BPIFC: variants seen among roughly 807,000 people sequenced by gnomAD.
BPIFC encodes BPI fold-containing family C protein.
BPIFC carries 60 observed loss-of-function variants against 57.6 expected under a neutral mutation model. That is an observed-to-expected ratio of 1.04 (90% CI 0.85 to 1.29). The LOEUF (loss-of-function observed/expected upper bound fraction) is 1.29, where lower values mean the gene tolerates loss of function less well. Among genes scored for constraint, BPIFC ranks in the 50% most tolerant of loss-of-function variants. BPIFC has a pLI of 0.00. For synonymous variants in BPIFC, 243 were observed against 224.5 expected, an observed-to-expected ratio of 1.08 and a Z score of -0.74; for missense variants, 581 against 600.5, an observed-to-expected ratio of 0.97 and a Z score of 0.34.
chr22:32,460,933 A>G (rs1935146792), intron 2 of BPIFC, among the ~76,000 whole-genome samples: 1 of 152,252 alleles, frequency 6.6e-6, no homozygotes, highest in Admixed American at 6.5e-5. Flanking sequence ...CAATGGTAGA[A>G]TGAATAAATG....
intron 14 of BPIFC, 119 bp downstream of exon 14, chr22:32,419,243 T>G: frequency 9.0e-7 from 1 of 1,109,632 alleles, no homozygotes; most frequent in South Asian, 1.6e-5. Flanking sequence ...AGTTAAGTCC[T>G]ACAATTATGG....
intron 8 of BPIFC, among the ~76,000 whole-genome samples, chr22:32,438,127 T>C (rs1169752607): frequency 6.6e-6 from 1 of 152,188 alleles, no homozygotes; most frequent in African/African-American, 2.4e-5. Context: ...GGGCATATGT[T>C]CCAAGACCCC....
intron 4 of BPIFC, among the ~76,000 whole-genome samples, chr22:32,449,402 T>C (rs1601477546): frequency 6.6e-6 from 1 of 152,206 alleles, no homozygotes; most frequent in East Asian, 1.9e-4. Flanking sequence ...AAAACATAAA[T>C]GTGATAGCTG....
chr22:32,422,084 A>C (rs1481986822), intron 13 of BPIFC, among the ~76,000 whole-genome samples: 1 of 152,210 alleles, frequency 6.6e-6, no homozygotes, highest in Non-Finnish European at 1.5e-5. Flanking sequence ...GACTAGGCTC[A>C]GTGCCTCTGG....
Position 32,432,386 on chromosome 22 carries a change from A to G in BPIFC, c.1136T>C (p.Val379Ala), listed in dbSNP as rs1336719607. 1.1e-5 allele frequency: 17 copies of G among 1,614,074 alleles called. No homozygotes were observed. In the East Asian group the frequency reaches 3.8e-4, roughly 36 times the overall value. ...QPKNSTVETI[V>A]SMDFVASTSV... is the part of the protein sequence containing the mutation. ...CCCCAGACTTACGAAGTCCATGGAA[A>G]CGATGGTTTCAACTGTGGAGTTCTT... The change falls in exon 12 of 17, where the codon GTT becomes GCT. Residue 379 changes from valine to alanine, a missense_variant. Coordinates refer to ENST00000300399, the MANE Select transcript of BPIFC (RefSeq NM_174932.3).
rs1034128201 is a variant in BPIFC, at chr22:32,439,257, G to T, written c.656-1406C>A. Among the ~76,000 whole-genome samples the T allele has an allele frequency of 2.6e-5, 4 of 152,134 alleles. No individual in the cohort carries two copies. In the South Asian group the frequency reaches 8.3e-4, roughly 32 times the overall value. Reference sequence around the variant, plus strand: ...GGAGAATCTCTTGAACCCAGGAGGCGCAGGTTGCGGTGAGCCAAGATTGTG... The same window carrying T: ...GGAGAATCTCTTGAACCCAGGAGGCTCAGGTTGCGGTGAGCCAAGATTGTG... On this transcript the variant is annotated intron_variant, in intron 8 of 16. Coordinates refer to ENST00000300399, the MANE Select transcript of BPIFC (RefSeq NM_174932.3).
At chr22:32,458,912 A>G (rs1343797900) in intron 2 of BPIFC, among the ~76,000 whole-genome samples, 2 of 152,220 alleles carry the variant, frequency 1.3e-5, no homozygotes, top group African/African-American at 2.4e-5. Context: ...TCACTGTTAT[A>G]TCACCCATAC....
intron 3 of BPIFC, among the ~76,000 whole-genome samples, chr22:32,454,044 G>A (rs966388389): frequency 9.9e-5 from 15 of 152,272 alleles, no homozygotes; most frequent in African/African-American, 3.6e-4. Flanking sequence ...CCTGGAGGTC[G>A]AGGCTGCAGT....
At chr22:32,443,311 T>C (rs1001421748) in intron 7 of BPIFC, among the ~76,000 whole-genome samples, 3 of 152,114 alleles carry the variant, frequency 2.0e-5, no homozygotes, top group Non-Finnish European at 2.9e-5. Flanking sequence ...CTACAGGCGC[T>C]CGCCACTATG....
rs150475402 is a variant in BPIFC, at chr22:32,453,453, G to A, written c.175C>T (p.Leu59Phe). 5.5e-5 allele frequency: 89 copies of A among 1,606,286 alleles called. No homozygotes were observed. The highest frequency in any genetic ancestry group is 4.8e-4 in the Admixed American group (28 of 58,436). The change falls in exon 4 of 17, where the codon CTC becomes TTC. Residue 59 changes from leucine (L) to phenylalanine (F), a missense_variant. Transcript: ENST00000300399. ...MIEQMLKEKK[L>F]PDLSGSESLE... The stretch of plus-strand genomic sequence containing the variant: ...GACTCAGAACCGCTTAAATCTGGGA[G>A]TTTCTTTTCTTTTAGCATTTGCTCA...
intron 7 of BPIFC, 96 bp from the exon 8 acceptor site, chr22:32,442,827 G>A: frequency 8.6e-7 from 1 of 1,161,502 alleles, no homozygotes; most frequent in Non-Finnish European, 1.2e-6. Context: ...AGGCCTTCTG[G>A]TTAGCAGTCA....
chr22:32,424,450 A>C (rs982028765), intron 13 of BPIFC, among the ~76,000 whole-genome samples: 3 of 151,932 alleles, frequency 2.0e-5, no homozygotes, highest in Non-Finnish European at 4.4e-5. Flanking sequence ...TTCTTTTATC[A>C]ATGCTGAATA....
chr22:32,428,266 T>C (rs59830283), intron 13 of BPIFC, among the ~76,000 whole-genome samples: 1 of 114,004 alleles, frequency 8.8e-6, no homozygotes, highest in African/African-American at 5.1e-5. Flanking sequence ...TGTGTGTGTG[T>C]GTGCGCGCGC....
chr22:32,432,592 G>A (rs776346269), intron 11 of BPIFC, 49 bp from the exon 12 acceptor site: 2 of 1,580,548 alleles, frequency 1.3e-6, no homozygotes, highest in South Asian at 1.1e-5. Context: ...GTGAGTTGGT[G>A]AAGGGAGATC....
chr22:32,419,505 TAA>T, intron 13 of BPIFC, 101 bp from the exon 14 acceptor site: 1 of 1,172,434 alleles, frequency 8.5e-7, no homozygotes, highest in Non-Finnish European at 1.2e-6. Context: ...AGTCACTATT[TAA>T]AAAAAAACAC....
At position 32,449,742 on chromosome 22, in the gene BPIFC, T is replaced by C. The variant is rs564806154; in HGVS notation, c.246-2402A>G. Among the ~76,000 whole-genome samples the C allele has an allele frequency of 1.6e-4, 24 of 151,868 alleles. 1 individual carries two copies. The South Asian group carries it at 5.0e-3, about 32-fold the overall frequency. On this transcript the variant is annotated intron_variant, in intron 4 of 16. Coordinates refer to ENST00000300399, the MANE Select transcript of BPIFC (RefSeq NM_174932.3). The stretch of plus-strand genomic sequence containing the variant: ...TGCTTGTGTACATGTACTTCTCTTT[T>C]TTTCTTTTTTGAGATGGAGTTTCAC...
At chr22:32,442,314 C>A (rs2145944706) in intron 8 of BPIFC, among the ~76,000 whole-genome samples, 1 of 152,246 alleles carries the variant, frequency 6.6e-6, no homozygotes, top group Admixed American at 6.5e-5. Context: ...CTCAGGGCAG[C>A]CACTGCAGGC....
intron 4 of BPIFC, among the ~76,000 whole-genome samples, chr22:32,451,450 A>C (rs1201514469): frequency 3.3e-5 from 5 of 152,196 alleles, no homozygotes; most frequent in African/African-American, 1.2e-4. Context: ...AGGACAAAAA[A>C]CCAAACACCA....
chr22:32,417,138 A>T lies in BPIFC; in HGVS notation c.1271T>A (p.Phe424Tyr). The T allele has an allele frequency of 6.2e-7, 1 of 1,606,478 alleles. No homozygotes were observed. The highest frequency in any genetic ancestry group is 8.5e-7 in the Non-Finnish European group (1 of 1,173,128). The change falls in exon 15 of 17, where the codon TTT (phenylalanine) becomes TAT (tyrosine). Residue 424 changes from phenylalanine (F) to tyrosine (Y), a missense_variant. By Grantham distance (22) the Phe-to-Tyr change is conservative. Transcript: ENST00000300399. ...SNRSNIEVLR[F>Y]ENILSSILHF... ...AAGAATGGACGATAGAATATTTTCA[A>T]ACCTCAAGACCTAAAATAAAAGAGG...
Sources: allele counts gnomAD v4.1 joint callset (sites outside exome capture counted in the v4.1 genomes callset), GRCh38; gene constraint gnomAD v4.1.1; transcripts MANE v1.5; gene names NCBI Gene and HGNC (gene_info 2026-07-23, HGNC 2026-07-21).